The following ZNF726 variants were observed in gnomAD, a reference collection of about 807,000 sequenced individuals.
ZNF726 encodes the protein zinc finger protein 92 pseudogene 3.
A neutral mutation model predicts 11.6 loss-of-function variants in ZNF726; 15 were observed. The ratio of observed to expected loss-of-function variants is 1.29; its 90% confidence interval spans 0.86 to 1.99. The LOEUF is 1.99. Ranked by LOEUF, ZNF726 falls within the 30% of genes most tolerant of loss-of-function variation. The pLI, the probability that ZNF726 is intolerant of heterozygous loss-of-function variation, is 0.00. For synonymous variants in ZNF726, 295 were observed against 243.6 expected (o/e 1.21, Z -1.96); for missense variants, 890 against 725.6 (o/e 1.23, Z -2.60).
At position 23,933,643 on chromosome 19, in the gene ZNF726, C is replaced by G; in HGVS notation, c.1527C>G (p.Tyr509Ter). The G allele has an allele frequency of 2.5e-6, 4 of 1,612,660 alleles. No individual in the cohort carries two copies. The highest frequency in any genetic ancestry group is 3.4e-6 in the Non-Finnish European group (4 of 1,179,986). Residue 509 changes from tyrosine to a stop codon, truncating the protein, a stop_gained, in exon 4 of 4, where the codon TAC becomes TAG. Transcript: ENST00000594466. LOFTEE classifies it low-confidence loss of function (END_TRUNC). ...TAATTCATACTGGAGAGAAACCCTA[C>G]AAATGTGAAGAATGTGGCAAAGCAT... is the stretch of plus-strand genomic sequence containing the variant. The part of the protein sequence containing the change: ...HKIIHTGEKP[Y>*]KCEECGKAFI...
intron 3 of ZNF726, among the ~76,000 whole-genome samples, chr19:23,926,368 C>T (rs1049649847): frequency 3.3e-5 from 5 of 151,988 alleles, no homozygotes; most frequent in Non-Finnish European, 7.4e-5. Flanking sequence ...GCCTGGCCAA[C>T]GTGGTGAAAC....
intron 3 of ZNF726, among the ~76,000 whole-genome samples, chr19:23,922,350 T>C (rs887748439): frequency 6.6e-6 from 1 of 152,160 alleles, no homozygotes; most frequent in Non-Finnish European, 1.5e-5. Flanking sequence ...GAACTGGCCA[T>C]GAACTGTGGC....
At chr19:23,921,810 A>G (rs1967859665) in intron 3 of ZNF726, among the ~76,000 whole-genome samples, 1 of 152,204 alleles carries the variant, frequency 6.6e-6, no homozygotes, top group African/African-American at 2.4e-5. Context: ...ATAATCTACA[A>G]ACAGTGACGT....
chr19:23,931,302 C>T (rs1968100060), intron 3 of ZNF726, among the ~76,000 whole-genome samples: 1 of 152,166 alleles, frequency 6.6e-6, no homozygotes, highest in Non-Finnish European at 1.5e-5. Context: ...TTTATTTTTA[C>T]ATCATTTTTT....
chr19:23,925,425 G>A (rs1043264668), intron 3 of ZNF726, among the ~76,000 whole-genome samples: 3 of 151,846 alleles, frequency 2.0e-5, no homozygotes, highest in Non-Finnish European at 2.9e-5. Context: ...AACTCCTGAC[G>A]TCAGGATTCA....
Position 23,942,134 on chromosome 19 carries a change from A to G in ZNF726, c.227-1360A>G, listed in dbSNP as rs529038944. Among the ~76,000 whole-genome samples, 4 of 152,262 alleles carry G rather than the reference A, an allele frequency of 2.6e-5. No individual in the cohort carries two copies. The South Asian group carries it at 8.3e-4, about 32-fold the overall frequency. On this transcript the variant is annotated intron_variant, in intron 3 of 4. Coordinates refer to the ZNF726 transcript ENST00000334589. ...ACTTTCCTCTTACCATCTTCGCTGT[A>G]TCCAAGAGGTTTTGATTGGTTGTGT...
In ZNF726 at chr19:23,933,549, A is replaced by G. The variant is rs1226258719; in HGVS notation, c.1433A>G (p.Glu478Gly). The G allele has an allele frequency of 1.9e-6, 3 of 1,612,880 alleles. No homozygotes were observed. The highest frequency in any genetic ancestry group is 2.2e-5 in the East Asian group (1 of 44,874). ...ACACATAAGAGGATGCACACTGGAG[A>G]GAAACCCTACAAATGTGAAGAATGT... is the stretch of plus-strand genomic sequence containing the variant. ...LTTHKRMHTG[E>G]KPYKCEECGK... is the part of the protein sequence containing the mutation. Residue 478 changes from glutamate (E) to glycine (G), a missense_variant, in exon 4 of 4, where the codon GAG (glutamate) becomes GGG (glycine). Transcript: ENST00000594466.
chr19:23,922,541 A>C (rs547699876), intron 3 of ZNF726, among the ~76,000 whole-genome samples: 1 of 152,204 alleles, frequency 6.6e-6, no homozygotes, highest in African/African-American at 2.4e-5. Context: ...GTTACAGAGT[A>C]AGTTTAAAAT....
At chr19:23,929,506 T>A (rs529448179) in intron 3 of ZNF726, among the ~76,000 whole-genome samples, 37 of 152,284 alleles carry the variant, frequency 2.4e-4, no homozygotes, top group African/African-American at 8.7e-4. Flanking sequence ...TTCATGAGAC[T>A]TATTCACTAT....
chr19:23,929,767 A>G (rs948175182), intron 3 of ZNF726, among the ~76,000 whole-genome samples: 2 of 152,204 alleles, frequency 1.3e-5, no homozygotes, highest in East Asian at 3.8e-4. Context: ...ATTATTTTAT[A>G]TTGTGTATTA....
rs1416871112 is a variant in ZNF726, at chr19:23,933,604, T to A, written c.1488T>A (p.Leu496=). ...AAGCTTTTAGCCAGTCCTCAACCCTTACTGCACATAAGATAATTCATACTG... is the reference window on the plus strand; with the variant it reads ...AAGCTTTTAGCCAGTCCTCAACCCTAACTGCACATAAGATAATTCATACTG... The part of the protein sequence containing the change: ...CGKAFSQSST[L]TAHKIIHTGE... The change falls in exon 4 of 4, where the codon CTT becomes CTA. Residue 496 remains leucine (L), a synonymous_variant. Coordinates refer to ENST00000594466, the MANE Select transcript of ZNF726 (RefSeq NM_001244038.2). The A allele has an allele frequency of 1.2e-6, 2 of 1,609,788 alleles. No homozygotes were observed. Among genetic ancestry groups the A allele is most frequent in the Non-Finnish European group, 1.7e-6 (2 of 1,178,686 alleles).
In ZNF726 at chr19:23,933,275, C is replaced by G. The variant is rs914308862; in HGVS notation, c.1159C>G (p.His387Asp). 79 of 1,612,976 alleles carry G rather than the reference C, an allele frequency of 4.9e-5. No individual in the cohort carries two copies. Among genetic ancestry groups the G allele is most frequent in the Non-Finnish European group, 6.4e-5 (76 of 1,179,960 alleles). ...TATATGGCCCTCAACCCTAACTAAA[C>G]ATAAGAGGATTCACACTGGAGAGAA... ...AFIWPSTLTK[H>D]KRIHTGEKPY... The change falls in exon 4 of 4, where the codon CAT becomes GAT. Residue 387 changes from histidine to aspartate, a missense_variant. By Grantham distance (81) the His-to-Asp change is moderately conservative (BLOSUM62 -1). Transcript: ENST00000594466.
intron 3 of ZNF726, among the ~76,000 whole-genome samples, chr19:23,939,862 A>AT (rs374902806): frequency 0.049 from 4,292 of 87,076 alleles, 267 homozygotes; most frequent in African/African-American, 0.1. Context: ...TTTTGATGGG[A>AT]TTTTTTTTTT....
chr19:23,921,380 A>C (rs376131264), intron 3 of ZNF726: 2 of 152,532 alleles, frequency 1.3e-5, no homozygotes, highest in East Asian at 1.9e-4. Flanking sequence ...TGGCTATTCA[A>C]AATTTATTGT....
At position 23,933,196 on chromosome 19, in the gene ZNF726, G is replaced by A. The variant is rs1446598890; in HGVS notation, c.1080G>A (p.Arg360=). ...AATTCGGACACCTTACTACACATAG[G>A]ATAATTCATACTGGAGAGAAACCCT... ...FSQFGHLTTH[R]IIHTGEKPYK... The change falls in exon 4 of 4, where the codon AGG becomes AGA. Residue 360 remains arginine, a synonymous_variant. Transcript: ENST00000594466. 1 of 1,601,872 alleles carries A rather than the reference G, an allele frequency of 6.2e-7. No homozygotes were observed. Among genetic ancestry groups the A allele is most frequent in the African/African-American group, 1.3e-5 (1 of 74,366 alleles).
At chr19:23,937,528 C>G (rs1427890938), downstream of ZNF726, among the ~76,000 whole-genome samples, 1 of 151,274 alleles carries the variant, frequency 6.6e-6, no homozygotes. Flanking sequence ...CAGAGGTGCT[C>G]CCCACATCTC....
chr19:23,934,135 C>T lies in ZNF726; in HGVS notation c.*168C>T, dbSNP rs746414197. 6 of 972,980 alleles carry T rather than the reference C, an allele frequency of 6.2e-6. No individual in the cohort carries two copies. In the Middle Eastern group the frequency reaches 1.2e-3, roughly 200 times the overall value. 60.3% of individuals were successfully genotyped at this position (972,980 alleles called of 1,614,324 possible). ...TTAGATAATTCACACTGGAGAGAAA[C>T]CTTACAAGTGTGAAGAATGTGGGAA... On this transcript the variant is annotated 3_prime_UTR_variant, in exon 4 of 4. Transcript: ENST00000594466.
Position 23,933,198 on chromosome 19 carries a change from T to A in ZNF726, c.1082T>A (p.Ile361Lys), listed in dbSNP as rs772189621. ...SQFGHLTTHR[I>K]IHTGEKPYKC... ...TTCGGACACCTTACTACACATAGGA[T>A]AATTCATACTGGAGAGAAACCCTAC... Residue 361 changes from isoleucine (I) to lysine (K), a missense_variant, in exon 4 of 4, where the codon ATA becomes AAA. Physicochemically the swap from Ile to Lys is moderately radical, Grantham distance 102. Transcript: ENST00000594466. The A allele has an allele frequency of 4.4e-6, 7 of 1,599,282 alleles. No homozygotes were observed. Among genetic ancestry groups the A allele is most frequent in the Non-Finnish European group, 6.0e-6 (7 of 1,172,904 alleles).
At chr19:23,924,239 A>T (rs1312255191) in intron 3 of ZNF726, among the ~76,000 whole-genome samples, 1 of 150,298 alleles carries the variant, frequency 6.7e-6, no homozygotes, top group Admixed American at 6.6e-5. Flanking sequence ...TTTTTAGTAG[A>T]AATGGTATTT....
Sources: allele counts gnomAD v4.1 joint callset (sites outside exome capture counted in the v4.1 genomes callset), GRCh38; gene constraint gnomAD v4.1.1; transcripts MANE v1.5; gene names NCBI Gene and HGNC (gene_info 2026-07-23, HGNC 2026-07-21).